PKN2: variants seen among roughly 807,000 people sequenced by gnomAD.
PKN2 encodes serine/threonine-protein kinase N2.
PKN2 carries 38 observed loss-of-function variants against 119.1 expected under a neutral mutation model. The observed-to-expected ratio is 0.32, with a 90% confidence interval of 0.25 to 0.42. The LOEUF is 0.42. Among genes scored for constraint, PKN2 ranks in the 10% least tolerant of loss-of-function variants. The probability of loss-of-function intolerance (pLI) is 1.00; values close to 1 mark genes in which losing one functional copy is unlikely to be tolerated. For missense variants in PKN2, 850 were observed against 1,165.1 expected (o/e 0.73, Z 3.94); for synonymous variants, 390 against 384.9 (o/e 1.01, Z -0.15).
At chr1:88,717,753 C>T (rs1000824537) in intron 1 of PKN2, among the ~76,000 whole-genome samples, 3 of 152,026 alleles carry the variant, frequency 2.0e-5, no homozygotes, top group Admixed American at 6.6e-5. Context: ...TCCTTTAGCT[C>T]GGAGAAGTTT....
chr1:88,729,017 C>T (rs945495411), intron 1 of PKN2, among the ~76,000 whole-genome samples: 2 of 151,916 alleles, frequency 1.3e-5, no homozygotes, highest in African/African-American at 4.8e-5. Context: ...GCCTCAGCCT[C>T]CTGAGTAGCT....
chr1:88,805,920 A>G lies in PKN2; in HGVS notation c.1706A>G (p.Asp569Gly). The change falls in exon 12 of 22, where the codon GAT becomes GGT. Residue 569 changes from aspartate (D) to glycine (G), a missense_variant. By Grantham distance (94) the Asp-to-Gly change is moderately conservative. Around this residue, in one of 9 missense-constraint regions of PKN2, gnomAD observed 216 missense variants for 252.8 expected, o/e 0.85. Coordinates refer to ENST00000370521, the MANE Select transcript of PKN2 (RefSeq NM_006256.4). ...SDSTVTKLDF[D>G]LEPEPPPAPP... ...TCTACAGTAACCAAATTGGACTTTG[A>G]TCTTGAGCCTGAACCTCCTCCAGCC... 6.2e-7 allele frequency: 1 copy of G among 1,614,014 alleles called. No individual in the cohort carries two copies. Among genetic ancestry groups the G allele is most frequent in the Non-Finnish European group, 8.5e-7 (1 of 1,179,922 alleles).
At position 88,804,519 on chromosome 1, in the gene PKN2, T is replaced by C. The variant is rs1236201541; in HGVS notation, c.1410T>C (p.Gly470=). Residue 470 remains glycine, a synonymous_variant, in exon 9 of 22, where the codon GGT becomes GGC. Transcript: ENST00000370521. The part of the protein sequence containing the change: ...HGMCLYLEPQ[G]TLFAEVTFFN... ...TGTGTCTCTATTTGGAACCACAGGG[T>C]ACTTTATTTGCAGAGGTAATAAATG... 6.2e-7 allele frequency: 1 copy of C among 1,612,910 alleles called. No individual in the cohort carries two copies. Among genetic ancestry groups the C allele is most frequent in the Non-Finnish European group, 8.5e-7 (1 of 1,179,420 alleles).
intron 1 of PKN2, among the ~76,000 whole-genome samples, chr1:88,699,473 T>C (rs1366160729): frequency 6.6e-6 from 1 of 152,202 alleles, no homozygotes; most frequent in African/African-American, 2.4e-5. Context: ...GTTTGTTACA[T>C]AGGTAAACAT....
chr1:88,714,511 T>G (rs1667368090), intron 1 of PKN2, among the ~76,000 whole-genome samples: 1 of 152,180 alleles, frequency 6.6e-6, no homozygotes, highest in Non-Finnish European at 1.5e-5. Flanking sequence ...CCTTGTAAGT[T>G]GGATTCCTAG....
intron 6 of PKN2, among the ~76,000 whole-genome samples, chr1:88,777,360 T>C (rs1670149486): frequency 1.3e-5 from 2 of 152,198 alleles, no homozygotes; most frequent in Non-Finnish European, 2.9e-5. Context: ...TTGAGCATCT[T>C]AATTTAGTAA....
intron 1 of PKN2, among the ~76,000 whole-genome samples, chr1:88,687,377 ATTT>A (rs1666144322): frequency 6.6e-6 from 1 of 152,158 alleles, no homozygotes; most frequent in African/African-American, 2.4e-5. Context: ...CCAATTTCTA[ATTT>A]TTATCTCATA....
intron 15 of PKN2, among the ~76,000 whole-genome samples, chr1:88,808,822 A>G (rs1671667262): frequency 6.6e-6 from 1 of 152,200 alleles, no homozygotes; most frequent in Non-Finnish European, 1.5e-5. Flanking sequence ...GCTCTGTACA[A>G]TGAAGAGAGC....
chr1:88,778,721 TTTTTTTTTTCGAGACAGAGTCTCGCTC>T (rs1318250150), intron 6 of PKN2, among the ~76,000 whole-genome samples: 2 of 152,168 alleles, frequency 1.3e-5, no homozygotes, highest in Non-Finnish European at 2.9e-5. Context: ...AGATTTTCTT[TTTTTTTTTTCGAGACAGAGTCTCGCTC>T]TGTTGCCCAG....
intron 8 of PKN2, among the ~76,000 whole-genome samples, chr1:88,789,931 A>G (rs1241039102): frequency 6.6e-6 from 1 of 150,750 alleles, no homozygotes; most frequent in Non-Finnish European, 1.5e-5. Context: ...TTTCCTTTTT[A>G]ATACCTTTTC....
Position 88,684,518 on chromosome 1 carries a change from G to A in PKN2, c.-63G>A, listed in dbSNP as rs1665989398. 3 of 1,023,618 alleles carry A rather than the reference G, an allele frequency of 2.9e-6. No homozygotes were observed. Among genetic ancestry groups the A allele is most frequent in the Non-Finnish European group, 2.7e-6 (2 of 733,502 alleles). 63.4% of individuals were successfully genotyped at this position (1,023,618 alleles called of 1,614,324 possible). A position where few individuals can be genotyped will look rare whatever the true frequency, so the allele number is the denominator to read the frequency against. On this transcript the variant is annotated 5_prime_UTR_variant, in exon 1 of 22. Coordinates refer to ENST00000370521, the MANE Select transcript of PKN2 (RefSeq NM_006256.4). The stretch of plus-strand genomic sequence containing the variant: ...TCTCCTCACCCCCACCCCGAGCCCC[G>A]TCCCGCCTTCTCCCTTCGCCAGAGG...
chr1:88,790,400 C>A (rs377699344), intron 8 of PKN2, among the ~76,000 whole-genome samples: 1 of 152,116 alleles, frequency 6.6e-6, no homozygotes, highest in South Asian at 2.1e-4. Context: ...AAAGTAATAG[C>A]GGTTTTGCCA....
intron 1 of PKN2, among the ~76,000 whole-genome samples, chr1:88,696,910 T>G (rs1666563083): frequency 6.6e-6 from 1 of 152,202 alleles, no homozygotes; most frequent in Admixed American, 6.5e-5. Flanking sequence ...TTACATTTCT[T>G]TGAACCACAC....
intron 7 of PKN2, among the ~76,000 whole-genome samples, chr1:88,785,486 G>A (rs1048487585): frequency 1.3e-5 from 2 of 152,166 alleles, no homozygotes. Context: ...TAATCTAACT[G>A]CTGATCCAGA....
intron 1 of PKN2, among the ~76,000 whole-genome samples, chr1:88,706,036 C>T (rs957033639): frequency 9.1e-5 from 10 of 110,344 alleles, no homozygotes; most frequent in Admixed American, 2.7e-4. Flanking sequence ...AAAGTCTATA[C>T]GGATTTTTGA....
intron 18 of PKN2, 74 bp from the exon 19 acceptor site, chr1:88,828,407 A>G: frequency 7.4e-7 from 1 of 1,360,022 alleles, no homozygotes; most frequent in Non-Finnish European, 1.0e-6. Flanking sequence ...TGCCTCCCAA[A>G]GATAGCTTTG....
At chr1:88,815,409 C>T in intron 16 of PKN2, 1 of 351,106 alleles carries the variant, frequency 2.8e-6, no homozygotes, top group Non-Finnish European at 5.4e-6. Context: ...CTAACCAATT[C>T]AGTTCACTCT....
chr1:88,769,589 A>ATG (rs912948716), intron 3 of PKN2, among the ~76,000 whole-genome samples: 1 of 152,214 alleles, frequency 6.6e-6, no homozygotes, highest in Non-Finnish European at 1.5e-5. Context: ...GGATTGTGCG[A>ATG]TGTATATATA....
intron 17 of PKN2, among the ~76,000 whole-genome samples, chr1:88,823,703 TAAAAAA>T (rs61234342): frequency 4.3e-4 from 28 of 65,790 alleles, no homozygotes; most frequent in African/African-American, 1.3e-3. Context: ...GACTCTGTCT[TAAAAAA>T]AAAAAAAAAA....
Sources: gnomAD v4.1 joint callset for allele counts (sites outside exome capture counted in the v4.1 genomes callset) on GRCh38, gnomAD v4.1.1 for gene constraint, gnomAD v4.1.1 regional missense constraint, MANE v1.5 for transcripts, NCBI Gene and HGNC (gene_info 2026-07-23, HGNC 2026-07-21) for gene names.